MYH3: variants seen among roughly 807,000 people sequenced by gnomAD.
MYH3 encodes myosin heavy chain 3.
A neutral mutation model predicts 238.0 loss-of-function variants in MYH3; 130 were observed. That is an observed-to-expected ratio of 0.55 (90% confidence interval 0.47 to 0.63). MYH3 has a LOEUF of 0.63. MYH3 is among the 30% of genes least tolerant of loss of function. MYH3 has a pLI of 0.00. For missense variants in MYH3, 1,853 were observed against 2,374.9 expected, an observed-to-expected ratio of 0.78 and a Z score of 4.57; for synonymous variants, 880 against 924.1, an observed-to-expected ratio of 0.95 and a Z score of 0.86.
rs370631040 is a variant in MYH3 at position 10,657,121 on chromosome 17, G to A, written c.-68+168C>T. On this transcript the variant is annotated intron_variant, in intron 1 of 40. Transcript: ENST00000583535. The stretch of plus-strand genomic sequence containing the variant: ...AGGGTGCTGGGTGTTTGGGCCCAGG[G>A]AACCTCGCTCTCTACACCTTGCTTA... Among the ~76,000 whole-genome samples the A allele has an allele frequency of 5.9e-5, 9 of 152,230 alleles. 1 individual carries two copies. The highest frequency in any genetic ancestry group is 2.1e-4 in the South Asian group (1 of 4,822).
chr17:10,661,784 T>C (rs1189847135), upstream of MYH3, among the ~76,000 whole-genome samples: 1 of 152,136 alleles, frequency 6.6e-6, no homozygotes. Context: ...GGAGAGCACA[T>C]GGCTCCTGGA....
At position 10,629,580 on chromosome 17, in the gene MYH3, C is replaced by G. The variant is rs765210931; in HGVS notation, c.5796+17G>C. ...TACAGTCCCTGGGGGGGGGCTCCTCCCAGCTCAGCGACTCACCCTGCTGGA... is the reference window on the plus strand; with the variant it reads ...TACAGTCCCTGGGGGGGGGCTCCTCGCAGCTCAGCGACTCACCCTGCTGGA... On this transcript the variant is annotated intron_variant, in intron 40 of 40. Coordinates refer to ENST00000583535, the MANE Select transcript of MYH3 (RefSeq NM_002470.4). The G allele has an allele frequency of 6.2e-7, 1 of 1,612,618 alleles. No individual in the cohort carries two copies. Among genetic ancestry groups the G allele is most frequent in the South Asian group, 1.1e-5 (1 of 91,014 alleles).
At chr17:10,644,524 T>C (rs1193544098) in intron 13 of MYH3, 24 bp from the exon 14 acceptor site, 3 of 1,613,976 alleles carry the variant, frequency 1.9e-6, no homozygotes, top group African/African-American at 1.3e-5. Context: ...GATCAGCTAC[T>C]GGATATGAAG....
At chr17:10,629,352 C>T (rs111496870) in intron 40 of MYH3, among the ~76,000 whole-genome samples, 16 of 152,220 alleles carry the variant, frequency 1.1e-4, no homozygotes, top group African/African-American at 3.9e-4. Flanking sequence ...CTGCAAAGGA[C>T]ATGATATCAT....
rs182138806 is a variant in MYH3 at position 10,640,822 on chromosome 17, T to C, written c.2166-136A>G. On this transcript the variant is annotated intron_variant, in intron 19 of 40. Coordinates refer to ENST00000583535, the MANE Select transcript of MYH3 (RefSeq NM_002470.4). ...ATGAGGGAACTAGCTCGGAGTCACA[T>C]TGCTAGAGAGCAGTCTAGAATCTAG... The C allele has an allele frequency of 1.3e-5, 15 of 1,134,322 alleles. No homozygotes were observed. In the East Asian group the frequency reaches 2.8e-4, roughly 21 times the overall value. The allele number at this position is 1,134,322 out of a possible 1,614,324, so 70.3% of individuals were successfully genotyped here. A position where few individuals can be genotyped will look rare whatever the true frequency, so the allele number is the denominator to read the frequency against.
chr17:10,635,581 A>C lies in MYH3; in HGVS notation c.3976-18T>G. 1 of 1,614,258 alleles carries C rather than the reference A, an allele frequency of 6.2e-7. No homozygotes were observed. The highest frequency in any genetic ancestry group is 8.5e-7 in the Non-Finnish European group (1 of 1,180,044). Reference sequence around the variant, plus strand: ...TTCTTGGCCTGCAGAAGTTAAAAAGAGAAGAGCACCTGATATATTTAGTGC... The same window carrying C: ...TTCTTGGCCTGCAGAAGTTAAAAAGCGAAGAGCACCTGATATATTTAGTGC... On this transcript the variant is annotated intron_variant, in intron 29 of 40. Coordinates refer to ENST00000583535, the MANE Select transcript of MYH3 (RefSeq NM_002470.4).
In MYH3 at chr17:10,651,544, A is replaced by C. The variant is rs768265932; in HGVS notation, c.473T>G (p.Ile158Ser). The C allele has an allele frequency of 6.2e-7, 1 of 1,613,860 alleles. No homozygotes were observed. Among genetic ancestry groups the C allele is most frequent in the Non-Finnish European group, 8.5e-7 (1 of 1,179,868 alleles). The change falls in exon 5 of 41, where the codon ATC becomes AGC. Residue 158 changes from isoleucine (I) to serine (S), a missense_variant. Coordinates refer to ENST00000583535, the MANE Select transcript of MYH3 (RefSeq NM_002470.4). ...CATGAACTGATAGGCGTTGTCAGAG[A>C]TGGAGAAGATGTGGGGTGGGGCCTC... Reference protein sequence around the residue: ...RQEAPPHIFSISDNAYQFMLT... With the variant: ...RQEAPPHIFSSSDNAYQFMLT...
rs375163919 is a variant in MYH3, at chr17:10,633,585, A to C, written c.4647+6T>G. 7.2e-4 allele frequency: 1,155 copies of C among 1,612,638 alleles called. 3 individuals are homozygous for C. The highest frequency in any genetic ancestry group is 1.3e-3 in the South Asian group (118 of 91,080). On this transcript the variant is annotated splice_donor_region_variant and intron_variant, in intron 33 of 40. Transcript: ENST00000583535. ...TCTGCGCCTGAGCCTGCCTCCCAGC[A>C]CTCACCTCTGCTTCCTCGAGAGCCA... is the stretch of plus-strand genomic sequence containing the variant.
intron 28 of MYH3, among the ~76,000 whole-genome samples, chr17:10,637,419 G>T (rs1338104032): frequency 1.3e-5 from 2 of 152,078 alleles, no homozygotes; most frequent in Non-Finnish European, 2.9e-5. Context: ...TCTCTCTTTA[G>T]TCTCAAAAAC....
At chr17:10,669,203 T>C in the MYH3 span, among the ~76,000 whole-genome samples, 2 of 152,178 alleles carry the variant, frequency 1.3e-5, no homozygotes, top group East Asian at 3.8e-4. Context: ...ATTTTCCCTA[T>C]ACAAATTAAA....
Position 10,649,676 on chromosome 17 carries a change from G to T in MYH3, c.543C>A (p.Ser181=). 6.2e-7 allele frequency: 1 copy of T among 1,614,032 alleles called. No homozygotes were observed. Among genetic ancestry groups the T allele is most frequent in the Non-Finnish European group, 8.5e-7 (1 of 1,179,918 alleles). ...ENQSILITGE[S]GAGKTVNTKR... is the part of the protein sequence containing the mutation. ...TGGTGTTCACAGTCTTTCCTGCCCC[G>T]GATTCTCCGCTGTACAGAGTGATCA... Residue 181 remains serine, a synonymous_variant, in exon 7 of 41, where the codon TCC becomes TCA. Coordinates refer to ENST00000583535, the MANE Select transcript of MYH3 (RefSeq NM_002470.4).
chr17:10,643,602 T>C (rs2074293495), intron 14 of MYH3, among the ~76,000 whole-genome samples: 2 of 152,020 alleles, frequency 1.3e-5, no homozygotes, highest in South Asian at 2.1e-4. Flanking sequence ...TCTTGATCTC[T>C]TGACCTTGCG....
At chr17:10,657,609 T>C (rs1328307999), upstream of MYH3, among the ~76,000 whole-genome samples, 1 of 152,136 alleles carries the variant, frequency 6.6e-6, no homozygotes, top group Non-Finnish European at 1.5e-5. Flanking sequence ...GGCAGCCACC[T>C]CCGTTCTCAG....
the MYH3 span, among the ~76,000 whole-genome samples, chr17:10,670,644 G>T: frequency 6.6e-6 from 1 of 151,982 alleles, no homozygotes; most frequent in Admixed American, 6.6e-5. The surrounding 1 kb of genome is among the most constrained non-coding windows in gnomAD (Gnocchi z 7.0). Context: ...GTTAATATAT[G>T]TTCATTTAGG....
At chr17:10,637,784 C>T in intron 28 of MYH3, 25 bp downstream of exon 28, 1 of 1,613,684 alleles carries the variant, frequency 6.2e-7, no homozygotes, top group Non-Finnish European at 8.5e-7. Context: ...GTTTTGGCCC[C>T]ACGGGTTTTC....
Position 10,654,221 on chromosome 17 carries a change from C to G in MYH3, c.204+640G>C, listed in dbSNP as rs568267128. On this transcript the variant is annotated intron_variant, in intron 3 of 40. Transcript: ENST00000583535. This position sits in a 1 kb window ranked among gnomAD's most constrained non-coding sequence, Gnocchi z 4.5. ...TCTTTCCTTCCTTCCTTCCCTCCAT[C>G]TCTCTTTCACTCTTTCTTTCTTTTT... Among the ~76,000 whole-genome samples the G allele has an allele frequency of 1.1e-3, 159 of 150,928 alleles. No homozygotes were observed. Among genetic ancestry groups the G allele is most frequent in the Non-Finnish European group, 1.8e-3 (123 of 67,842 alleles).
chr17:10,633,563 G>C (rs1267339020), intron 33 of MYH3, 28 bp downstream of exon 33: 1 of 1,611,076 alleles, frequency 6.2e-7, no homozygotes, highest in Non-Finnish European at 8.5e-7. Context: ...GGCTGCATCT[G>C]CGCCTGAGCC....
Position 10,642,222 on chromosome 17 carries a change from A to G in MYH3, c.1959+18T>C, listed in dbSNP as rs753199857. The G allele has an allele frequency of 6.2e-7, 1 of 1,607,404 alleles. No individual in the cohort carries two copies. The highest frequency in any genetic ancestry group is 8.5e-7 in the Non-Finnish European group (1 of 1,174,432). On this transcript the variant is annotated intron_variant, in intron 17 of 40. Transcript: ENST00000583535. The surrounding 1 kb of genome is among the most constrained non-coding windows in gnomAD (Gnocchi z 5.4). The stretch of plus-strand genomic sequence containing the variant: ...CACTTAAATCAATTATAAGCAAATA[A>G]ACTTGTATTTTTCTTACCCTGAAAA...
chr17:10,658,639 G>A (rs547558870), upstream of MYH3: 4 of 152,384 alleles, frequency 2.6e-5, no homozygotes, highest in African/African-American at 7.2e-5. Context: ...TTTATGAAGC[G>A]CCTGTTCCGT....
Sources: allele counts gnomAD v4.1 joint callset (sites outside exome capture counted in the v4.1 genomes callset), GRCh38; gene constraint gnomAD v4.1.1; non-coding constraint Gnocchi (gnomAD v3.1); transcripts MANE v1.5; gene names NCBI Gene and HGNC (gene_info 2026-07-23, HGNC 2026-07-21).